The following DESI2 variants were observed in gnomAD, a reference collection of about 807,000 sequenced individuals.
The protein encoded by DESI2 is desumoylating isopeptidase 2, also known as deubiquitinase DESI2.
A neutral mutation model predicts 24.1 loss-of-function variants in DESI2; 10 were observed. That is an observed-to-expected ratio of 0.41 (90% CI 0.26 to 0.70). The LOEUF (loss-of-function observed/expected upper bound fraction) is 0.70. DESI2 is among the 30% of genes least tolerant of loss of function. The pLI, the probability that DESI2 is intolerant of heterozygous loss-of-function variation, is 0.29. For synonymous variants in DESI2, 71 were observed against 87.7 expected, an observed-to-expected ratio of 0.81 and a Z score of 1.06; for missense variants, 122 against 234.9, an observed-to-expected ratio of 0.52 and a Z score of 3.14.
chr1:244,687,311 C>G (rs1302188365), intron 2 of DESI2, among the ~76,000 whole-genome samples: 1 of 152,110 alleles, frequency 6.6e-6, no homozygotes, highest in Non-Finnish European at 1.5e-5. Context: ...GCTGTGTTTT[C>G]AACAGTTTTT....
chr1:244,659,250 T>A (rs79861108), intron 1 of DESI2, among the ~76,000 whole-genome samples: 4 of 152,136 alleles, frequency 2.6e-5, no homozygotes, highest in Non-Finnish European at 5.9e-5. Flanking sequence ...TCCATACATA[T>A]GTACATTTGT....
chr1:244,665,402 T>G (rs1164337688), intron 1 of DESI2, among the ~76,000 whole-genome samples: 1 of 152,188 alleles, frequency 6.6e-6, no homozygotes, highest in Non-Finnish European at 1.5e-5. Flanking sequence ...AATATGCTGA[T>G]TCTCTTTTTG....
intron 4 of DESI2, among the ~76,000 whole-genome samples, chr1:244,699,975 C>T (rs1181691445): frequency 6.6e-6 from 1 of 152,210 alleles, no homozygotes; most frequent in Non-Finnish European, 1.5e-5. Context: ...AGATGTCATC[C>T]ACAGTCGTGA....
chr1:244,676,089 T>TG (rs1676405639), intron 1 of DESI2, among the ~76,000 whole-genome samples: 1 of 151,472 alleles, frequency 6.6e-6, no homozygotes, highest in African/African-American at 2.4e-5. Context: ...AATCAATTTT[T>TG]TTTTTGAGAC....
Position 244,673,347 on chromosome 1 carries a change from C to T in DESI2, c.43-13250C>T, listed in dbSNP as rs572957092. On this transcript the variant is annotated intron_variant, in intron 1 of 4. Transcript: ENST00000302550. ...AAAACGTCACACCAAAGAAAAACAT[C>T]TAATTTATTCGCTTCATAATGTATA... is the stretch of plus-strand genomic sequence containing the variant. Among the ~76,000 whole-genome samples the T allele has an allele frequency of 7.2e-5, 11 of 152,338 alleles. No homozygotes were observed. In the East Asian group the frequency reaches 1.9e-3, roughly 27 times the overall value.
Position 244,691,932 on chromosome 1 carries a change from T to C in DESI2, c.263T>C (p.Ile88Thr), listed in dbSNP as rs1390769002. The C allele has an allele frequency of 1.2e-6, 2 of 1,603,308 alleles. No individual in the cohort carries two copies. Among genetic ancestry groups the C allele is most frequent in the East Asian group, 2.3e-5 (1 of 44,444 alleles). ...TTCCTAGAAGATGATATAGAAAAAA[T>C]TGTAGAAGAACTGGGAAAAGAATAC... ...TDFLEDDIEK[I>T]VEELGKEYKG... The change falls in exon 4 of 5, where the codon ATT becomes ACT. Residue 88 changes from isoleucine (I) to threonine (T), a missense_variant. Around this residue, in one of 6 missense-constraint regions of DESI2, gnomAD observed 23 missense variants for 28.5 expected, o/e 0.81. Coordinates refer to ENST00000302550, the MANE Select transcript of DESI2 (RefSeq NM_016076.5).
chr1:244,679,267 G>A (rs1176806738), intron 1 of DESI2, among the ~76,000 whole-genome samples: 2 of 152,024 alleles, frequency 1.3e-5, no homozygotes, highest in Non-Finnish European at 2.9e-5. Context: ...GTCTTTTTCT[G>A]TGAAAAGGGG....
chr1:244,657,404 T>TA (rs1333497719), intron 1 of DESI2, among the ~76,000 whole-genome samples: 1 of 152,224 alleles, frequency 6.6e-6, no homozygotes, highest in African/African-American at 2.4e-5. Flanking sequence ...ATTCTTCCTC[T>TA]TGCCCCATGC....
rs1308511688 is a variant in DESI2, at chr1:244,708,306, T to TG, written c.*2521dup. 2 of 152,574 alleles carry TG rather than the reference T, an allele frequency of 1.3e-5. No individual in the cohort carries two copies. Among genetic ancestry groups the TG allele is most frequent in the African/African-American group, 4.8e-5 (2 of 41,408 alleles). 9.5% of individuals were successfully genotyped at this position (152,574 alleles called of 1,614,324 possible). On this transcript the variant is annotated 3_prime_UTR_variant, in exon 5 of 5. Coordinates refer to ENST00000302550, the MANE Select transcript of DESI2 (RefSeq NM_016076.5). ...TTCTGCTGTTTGCTTTAAATACCCTTGGGGTTTTTTTTTAAACCCTTACAA... is the reference window on the plus strand; with the variant it reads ...TTCTGCTGTTTGCTTTAAATACCCTTGGGGGTTTTTTTTTAAACCCTTACAA...
rs892891276 is a variant in DESI2 at position 244,653,594 on chromosome 1, T to A, written c.42+239T>A. 5.7e-6 allele frequency: 3 copies of A among 526,368 alleles called. No individual in the cohort carries two copies. In the African/African-American group the frequency reaches 6.0e-5, roughly 11 times the overall value. 32.6% of individuals were successfully genotyped at this position (526,368 alleles called of 1,614,324 possible). The stretch of plus-strand genomic sequence containing the variant: ...GCCAAAGCTCGGGTGGGCTTGAACC[T>A]CTCCCATCCGCTCAGCTTGGACCCG... On this transcript the variant is annotated intron_variant, in intron 1 of 4. Transcript: ENST00000302550.
At chr1:244,691,086 C>T (rs1677010025) in intron 3 of DESI2, among the ~76,000 whole-genome samples, 1 of 152,054 alleles carries the variant, frequency 6.6e-6, no homozygotes, top group Non-Finnish European at 1.5e-5. Flanking sequence ...GTTTGGAGTC[C>T]TTTTAATTTT....
chr1:244,669,921 C>G (rs1182725419), intron 1 of DESI2, among the ~76,000 whole-genome samples: 1 of 152,014 alleles, frequency 6.6e-6, no homozygotes, highest in Non-Finnish European at 1.5e-5. Context: ...CTTGAAGAAG[C>G]CTTTCACTGA....
intron 1 of DESI2, among the ~76,000 whole-genome samples, chr1:244,659,670 T>A (rs1675771610): frequency 1.3e-5 from 2 of 152,184 alleles, no homozygotes. Flanking sequence ...AGAGGCCAGG[T>A]AATTGAGACC....
At chr1:244,656,955 G>T (rs1028927774) in intron 1 of DESI2, among the ~76,000 whole-genome samples, 3 of 151,832 alleles carry the variant, frequency 2.0e-5, no homozygotes, top group Admixed American at 1.3e-4. Flanking sequence ...TTGTATTTTT[G>T]TAGAGGTGGG....
rs552788165 is a variant in DESI2, at chr1:244,707,737, A to T, written c.*1948A>T. The T allele has an allele frequency of 6.6e-6, 1 of 152,290 alleles. No individual in the cohort carries two copies. The highest frequency in any genetic ancestry group is 6.5e-5 in the Admixed American group (1 of 15,290). The allele number at this position is 152,290 out of a possible 1,614,324, so 9.4% of individuals were successfully genotyped here. A position where few individuals can be genotyped will look rare whatever the true frequency, so the allele number is the denominator to read the frequency against. On this transcript the variant is annotated 3_prime_UTR_variant, in exon 5 of 5. Coordinates refer to ENST00000302550, the MANE Select transcript of DESI2 (RefSeq NM_016076.5). ...CACACACACAGTAGCCATTAGTTAG[A>T]CTCTTCTTAGTGAATATCAGGAACA...
Position 244,705,772 on chromosome 1 carries a change from C to T in DESI2, c.568C>T (p.Arg190Cys), listed in dbSNP as rs141603902. Residue 190 changes from arginine to cysteine, a missense_variant, in exon 5 of 5, where the codon CGC becomes TGC. By Grantham distance (180) the Arg-to-Cys change is radical (BLOSUM62 -3). Around this residue, in one of 6 missense-constraint regions of DESI2, gnomAD observed 56 missense variants for 67.9 expected, o/e 0.82. Transcript: ENST00000302550. ...ASTAAGSRPG[R>C]HTKL ...CACTGCAGCAGGCTCCAGACCCGGG[C>T]GCCACACTAAACTATAAATGTCTCC... is the stretch of plus-strand genomic sequence containing the variant. 79 of 1,609,946 alleles carry T rather than the reference C, an allele frequency of 4.9e-5. 1 individual carries two copies. The highest frequency in any genetic ancestry group is 1.8e-4 in the South Asian group (16 of 91,058).
intron 1 of DESI2, among the ~76,000 whole-genome samples, chr1:244,667,600 A>G (rs1282760255): frequency 6.6e-6 from 1 of 152,226 alleles, no homozygotes; most frequent in Admixed American, 6.5e-5. Context: ...ATACAAATCC[A>G]TGCATCCTGA....
At chr1:244,662,431 T>C (rs1675881178) in intron 1 of DESI2, among the ~76,000 whole-genome samples, 2 of 152,182 alleles carry the variant, frequency 1.3e-5, no homozygotes, top group Admixed American at 1.3e-4. Context: ...TTTTTTTAAT[T>C]GGGCTTGCAC....
intron 4 of DESI2, among the ~76,000 whole-genome samples, chr1:244,700,498 C>T (rs1288070012): frequency 3.3e-5 from 5 of 152,048 alleles, no homozygotes; most frequent in African/African-American, 1.2e-4. Context: ...CAAGATATTC[C>T]AGGCTCATCT....
Sources: gnomAD v4.1 joint callset for allele counts (sites outside exome capture counted in the v4.1 genomes callset) on GRCh38, gnomAD v4.1.1 for gene constraint, gnomAD v4.1.1 regional missense constraint, MANE v1.5 for transcripts, NCBI Gene and HGNC (gene_info 2026-07-23, HGNC 2026-07-21) for gene names.